The following CALD1 variants were observed in gnomAD, a reference collection of about 807,000 sequenced individuals.
CALD1 encodes caldesmon 1.
In CALD1, 33 loss-of-function variants were observed where a neutral mutation model predicts 99.9. The ratio of observed to expected loss-of-function variants is 0.33; its 90% confidence interval spans 0.25 to 0.44. The LOEUF (loss-of-function observed/expected upper bound fraction) is 0.44. CALD1 is among the 20% of genes least tolerant of loss of function. The probability of loss-of-function intolerance (pLI) is 1.00; values close to 1 mark genes in which losing one functional copy is unlikely to be tolerated. For missense variants in CALD1, 861 were observed against 962.1 expected (o/e 0.89, Z 1.39); for synonymous variants, 310 against 325.0 (o/e 0.95, Z 0.50).
At chr7:134,831,482 CTAAT>C (rs1799219362) in intron 1 of CALD1, among the ~76,000 whole-genome samples, 1 of 152,078 alleles carries the variant, frequency 6.6e-6, no homozygotes, top group African/African-American at 2.4e-5. Flanking sequence ...CAACGCCTGG[CTAAT>C]TTTTTTGTAT....
intron 2 of CALD1, among the ~76,000 whole-genome samples, chr7:134,861,933 C>G (rs185131890): frequency 6.6e-6 from 1 of 152,234 alleles, no homozygotes; most frequent in East Asian, 1.9e-4. Context: ...AGAGAAGAAA[C>G]TAAGATATTG....
At chr7:134,824,845 G>A (rs1252405625) in intron 1 of CALD1, among the ~76,000 whole-genome samples, 1 of 152,114 alleles carries the variant, frequency 6.6e-6, no homozygotes, top group African/African-American at 2.4e-5. Context: ...ATATTACGCT[G>A]TTAAAGAATA....
chr7:134,723,343 GT>G, the CALD1 span, among the ~76,000 whole-genome samples: 2 of 152,016 alleles, frequency 1.3e-5, no homozygotes, highest in African/African-American at 4.8e-5. Flanking sequence ...GTAGTTTAGG[GT>G]TAGTATGGCT....
At chr7:134,910,954 A>G (rs6944779) in intron 3 of CALD1, among the ~76,000 whole-genome samples, 2,837 of 152,322 alleles carry the variant, frequency 0.019, 84 homozygotes, top group African/African-American at 0.065. Context: ...AGCAAAATGC[A>G]CCAAGAACCT....
chr7:134,798,545 A>C (rs773706353), intron 1 of CALD1, among the ~76,000 whole-genome samples: 3 of 152,208 alleles, frequency 2.0e-5, no homozygotes, highest in Non-Finnish European at 4.4e-5. Flanking sequence ...GACTTGTGAG[A>C]GCTTTGACAT....
intron 1 of CALD1, among the ~76,000 whole-genome samples, chr7:134,840,732 G>T (rs1284156773): frequency 1.3e-5 from 2 of 152,146 alleles, no homozygotes; most frequent in African/African-American, 2.4e-5. Context: ...ACAAACCTGG[G>T]TTTTAATTCT....
intron 1 of CALD1, among the ~76,000 whole-genome samples, chr7:134,797,007 T>G (rs563576100): frequency 2.6e-5 from 4 of 152,160 alleles, no homozygotes; most frequent in African/African-American, 7.2e-5. Context: ...TCCTCTAATG[T>G]AGTAAGAATT....
intron 1 of CALD1, among the ~76,000 whole-genome samples, chr7:134,803,001 T>TA (rs932114937): frequency 6.4e-4 from 97 of 152,364 alleles, no homozygotes; most frequent in African/African-American, 2.2e-3. Flanking sequence ...TTTTAACACT[T>TA]ACAAGCAATA....
chr7:134,832,981 G>C (rs1234081278), intron 1 of CALD1, among the ~76,000 whole-genome samples: 1 of 152,106 alleles, frequency 6.6e-6, no homozygotes, highest in Non-Finnish European at 1.5e-5. Context: ...CTTGTCTCTG[G>C]ACAGTATGTT....
chr7:134,711,718 GTGTGTGTGTC>G, the CALD1 span, among the ~76,000 whole-genome samples: 272 of 100,250 alleles, frequency 2.7e-3, 1 homozygote, highest in African/African-American at 7.0e-3. Flanking sequence ...GTGTGTGTGT[GTGTGTGTGTC>G]TCTCTCTCTG....
At chr7:134,807,140 A>G (rs1798172234) in intron 1 of CALD1, among the ~76,000 whole-genome samples, 1 of 152,084 alleles carries the variant, frequency 6.6e-6, no homozygotes, top group Non-Finnish European at 1.5e-5. Context: ...CCTAATTTCT[A>G]TTTTTCCATG....
At chr7:134,714,733 T>C in the CALD1 span, among the ~76,000 whole-genome samples, 2 of 152,182 alleles carry the variant, frequency 1.3e-5, no homozygotes, top group African/African-American at 4.8e-5. Context: ...AATTAAGGGA[T>C]AGGTCATTCA....
chr7:134,797,961 A>G (rs1300733071), intron 1 of CALD1, among the ~76,000 whole-genome samples: 1 of 152,208 alleles, frequency 6.6e-6, no homozygotes. Context: ...ACAGAAAAGT[A>G]GCAAGAATAT....
At chr7:134,711,606 A>G in the CALD1 span, among the ~76,000 whole-genome samples, 1 of 142,746 alleles carries the variant, frequency 7.0e-6, no homozygotes, top group Non-Finnish European at 1.5e-5. Context: ...ATGTGAGCCA[A>G]TTCCTTAAAA....
Position 134,960,090 on chromosome 7 carries a change from T to A in CALD1, c.2178T>A (p.Thr726=). 3 of 1,614,194 alleles carry A rather than the reference T, an allele frequency of 1.9e-6. No individual in the cohort carries two copies. In the South Asian group the frequency reaches 3.3e-5, roughly 18 times the overall value. Residue 726 remains threonine, a synonymous_variant, in exon 12 of 15, where the codon ACT becomes ACA. Coordinates refer to ENST00000361675, the MANE Select transcript of CALD1 (RefSeq NM_033138.4). ...WEKGNVFSSP[T]AAGTPNKETA... ...AAGGGAATGTGTTTTCATCCCCCACTGCAGCAGGCACACCAAATAAGGTGA... is the reference window on the plus strand; with the variant it reads ...AAGGGAATGTGTTTTCATCCCCCACAGCAGCAGGCACACCAAATAAGGTGA...
At chr7:134,840,346 G>A (rs977119825) in intron 1 of CALD1, among the ~76,000 whole-genome samples, 3 of 152,198 alleles carry the variant, frequency 2.0e-5, no homozygotes, top group Non-Finnish European at 4.4e-5. Flanking sequence ...AGTTGGGAAA[G>A]TTCTCTTCAG....
chr7:134,952,034 C>T (rs1413006504), intron 9 of CALD1, among the ~76,000 whole-genome samples: 4 of 152,202 alleles, frequency 2.6e-5, no homozygotes, highest in Admixed American at 2.6e-4. Flanking sequence ...GGCACAGTGG[C>T]TCACACCTGT....
chr7:134,821,596 T>C, intron 1 of CALD1, among the ~76,000 whole-genome samples: 1 of 135,044 alleles, frequency 7.4e-6, no homozygotes, highest in Admixed American at 7.5e-5. Flanking sequence ...TTTTTTTTTT[T>C]TTTTGAGACA....
chr7:134,787,740 T>C (rs1454935428), intron 1 of CALD1, among the ~76,000 whole-genome samples: 3 of 152,200 alleles, frequency 2.0e-5, no homozygotes, highest in Admixed American at 6.5e-5. Flanking sequence ...ATCCTCTGTA[T>C]TGCACAGAAG....
Sources: gnomAD v4.1 joint callset for allele counts (sites outside exome capture counted in the v4.1 genomes callset) on GRCh38, gnomAD v4.1.1 for gene constraint, MANE v1.5 for transcripts, NCBI Gene and HGNC (gene_info 2026-07-23, HGNC 2026-07-21) for gene names.